PTPRU: variants seen among roughly 807,000 people sequenced by gnomAD.
PTPRU encodes protein tyrosine phosphatase receptor type U.
In PTPRU, 69 loss-of-function variants were observed where a neutral mutation model predicts 166.3. That is an observed-to-expected ratio of 0.41 (90% CI 0.34 to 0.51). The LOEUF (loss-of-function observed/expected upper bound fraction) is 0.51, where lower values mean the gene tolerates loss of function less well. Among genes scored for constraint, PTPRU ranks in the 20% least tolerant of loss-of-function variants. The probability of loss-of-function intolerance (pLI) is 0.09; values close to 1 mark genes in which losing one functional copy is unlikely to be tolerated. For missense variants in PTPRU, 1,657 were observed against 2,013.7 expected (o/e 0.82, Z 3.39); for synonymous variants, 793 against 814.0 (o/e 0.97, Z 0.44).
chr1:29,295,768 C>T (rs1686855375), intron 15 of PTPRU, among the ~76,000 whole-genome samples: 1 of 152,078 alleles, frequency 6.6e-6, no homozygotes, highest in South Asian at 2.1e-4. Flanking sequence ...CTCACTCCAA[C>T]CTCTGCCTCC....
Position 29,320,661 on chromosome 1 carries a change from T to C in PTPRU, c.3688-24T>C. The C allele has an allele frequency of 6.4e-7, 1 of 1,551,374 alleles. No individual in the cohort carries two copies. The highest frequency in any genetic ancestry group is 8.8e-7 in the Non-Finnish European group (1 of 1,139,492). On this transcript the variant is annotated intron_variant, in intron 25 of 29. Transcript: ENST00000373779. This position sits in a 1 kb window ranked among gnomAD's most constrained non-coding sequence, Gnocchi z 5.2. ...AGGCCAGGGGCCGGGAACAGGGCCC[T>C]GCTGAGTTCCGGTTTCCCTGCAGAG...
chr1:29,321,196 ATTTTT>A (rs71025210), intron 26 of PTPRU, among the ~76,000 whole-genome samples: 1 of 100,384 alleles, frequency 1.0e-5, no homozygotes, highest in African/African-American at 3.9e-5. Context: ...CAGCTGTCTG[ATTTTT>A]TTTTTTTTTT....
At position 29,325,236 on chromosome 1, in the gene PTPRU, C is replaced by A; in HGVS notation, c.4158C>A (p.Val1386=). 1 of 1,614,224 alleles carries A rather than the reference C, an allele frequency of 6.2e-7. No individual in the cohort carries two copies. Among genetic ancestry groups the A allele is most frequent in the East Asian group, 2.2e-5 (1 of 44,882 alleles). ...RSGTFCACAT[V]LEMIRCHNLV... ...GCACCTTCTGCGCCTGCGCCACGGT[C>A]CTGGAGATGATCCGCTGCCACAACT... The change falls in exon 29 of 30, where the codon GTC becomes GTA. Residue 1386 remains valine, a synonymous_variant. Transcript: ENST00000373779.
chr1:29,284,251 C>T (rs2076619), intron 13 of PTPRU, among the ~76,000 whole-genome samples: 5,962 of 152,180 alleles, frequency 0.039, 471 homozygotes, highest in East Asian at 0.32. Flanking sequence ...TTCTGGGTTA[C>T]GTATCTGTCC....
chr1:29,304,979 T>C (rs1687320692), intron 17 of PTPRU, 130 bp downstream of exon 17: 3 of 745,314 alleles, frequency 4.0e-6, no homozygotes, highest in Non-Finnish European at 6.6e-6. Context: ...ATTGAGGGCC[T>C]ACCACACGTC....
At chr1:29,240,028 C>A (rs1396192533) in intron 1 of PTPRU, among the ~76,000 whole-genome samples, 1 of 152,154 alleles carries the variant, frequency 6.6e-6, no homozygotes, top group African/African-American at 2.4e-5. Context: ...ATCTGGCCAG[C>A]CTGACCTTCT....
intron 1 of PTPRU, among the ~76,000 whole-genome samples, chr1:29,243,468 C>T (rs1289831127): frequency 6.6e-6 from 1 of 152,262 alleles, no homozygotes; most frequent in African/African-American, 2.4e-5. Context: ...AGGAGCCTGC[C>T]ATGCCAGTTC....
rs758227404 is a variant in PTPRU, at chr1:29,323,779, T to TG, written c.4104dup (p.His1369AlafsTer191). On this transcript the variant is annotated frameshift_variant, in exon 28 of 30. Coordinates refer to ENST00000373779, the MANE Select transcript of PTPRU (RefSeq NM_133178.4). LOFTEE classifies it high-confidence loss of function. ...GAGAGTGGGGATGGGCGCACCATCG[T>TG]GCACTGCCTGTGAGTACCTGCCCTG... 1 of 1,614,024 alleles carries TG rather than the reference T, an allele frequency of 6.2e-7. No homozygotes were observed. Among genetic ancestry groups the TG allele is most frequent in the South Asian group, 1.1e-5 (1 of 91,082 alleles).
At position 29,298,880 on chromosome 1, in the gene PTPRU, C is replaced by T. The variant is rs548084077; in HGVS notation, c.2477-4975C>T. On this transcript the variant is annotated intron_variant, in intron 15 of 29. Coordinates refer to ENST00000373779, the MANE Select transcript of PTPRU (RefSeq NM_133178.4). ...GAACAATGGTAGTGCCCCTGCCATA[C>T]GGATATTCTAAGGAATAAATGACTT... 1.2e-4 allele frequency among the ~76,000 whole-genome samples: 18 copies of T among 152,188 alleles called. No individual in the cohort carries two copies. In the South Asian group the frequency reaches 2.3e-3, roughly 19 times the overall value.
intron 2 of PTPRU, among the ~76,000 whole-genome samples, 191 bp downstream of exon 2, chr1:29,255,597 G>A (rs766649094): frequency 6.6e-5 from 10 of 152,110 alleles, no homozygotes; most frequent in Non-Finnish European, 1.5e-4. Flanking sequence ...AGCTAGTTTC[G>A]TGTGTAAAAT....
At chr1:29,246,297 G>A (rs150795083) in intron 1 of PTPRU, among the ~76,000 whole-genome samples, 53 of 152,330 alleles carry the variant, frequency 3.5e-4, no homozygotes, top group South Asian at 1.0e-3. Context: ...GTAGGCTGGC[G>A]TCCTTTTCCA....
intron 15 of PTPRU, among the ~76,000 whole-genome samples, chr1:29,299,994 T>C (rs1444853159): frequency 6.6e-6 from 1 of 152,214 alleles, no homozygotes. Flanking sequence ...CTTCCTTTCC[T>C]GGAAATGACT....
intron 1 of PTPRU, among the ~76,000 whole-genome samples, chr1:29,251,431 G>A (rs1420087102): frequency 7.9e-5 from 12 of 152,168 alleles, no homozygotes; most frequent in Admixed American, 7.2e-4. Context: ...TATTCTGGCC[G>A]AAGTGAGATA....
intron 14 of PTPRU, among the ~76,000 whole-genome samples, chr1:29,289,926 T>A (rs1364055484): frequency 6.6e-6 from 1 of 152,170 alleles, no homozygotes; most frequent in East Asian, 1.9e-4. Context: ...GAGTGCTGGT[T>A]CTGCCCCTAA....
chr1:29,280,151 C>A lies in PTPRU; in HGVS notation c.1868+10C>A. On this transcript the variant is annotated intron_variant, in intron 11 of 29. Coordinates refer to ENST00000373779, the MANE Select transcript of PTPRU (RefSeq NM_133178.4). This position sits in a 1 kb window ranked among gnomAD's most constrained non-coding sequence, Gnocchi z 4.2. ...GCGGTGCGCCCATCAGGTGGGAAAG[C>A]GGGGACGGAGGGGTGGGAGTCCAGG... is the stretch of plus-strand genomic sequence containing the variant. 1.9e-6 allele frequency: 3 copies of A among 1,602,294 alleles called. No homozygotes were observed. Among genetic ancestry groups the A allele is most frequent in the South Asian group, 1.1e-5 (1 of 90,770 alleles).
At chr1:29,251,200 C>T (rs541439864) in intron 1 of PTPRU, among the ~76,000 whole-genome samples, 67 of 151,750 alleles carry the variant, frequency 4.4e-4, no homozygotes, top group African/African-American at 1.6e-3. Context: ...TTGCAGTGAG[C>T]GAGATCATGC....
chr1:29,274,956 G>A (rs1685727047), intron 7 of PTPRU, among the ~76,000 whole-genome samples: 1 of 151,410 alleles, frequency 6.6e-6, no homozygotes, highest in Non-Finnish European at 1.5e-5. Flanking sequence ...AGTCTGAGGT[G>A]GAAGGATTGC....
rs755298442 is a variant in PTPRU, at chr1:29,323,410, T to C, written c.3868T>C (p.Tyr1290His). ...QYWPEPGRQQ[Y>H]GLMEVEFMSG... ...CTGGCCAGAGCCAGGCCGGCAGCAATATGGCCTCATGGAGGTGGAGTTTAT... is the reference window on the plus strand; with the variant it reads ...CTGGCCAGAGCCAGGCCGGCAGCAACATGGCCTCATGGAGGTGGAGTTTAT... The change falls in exon 27 of 30, where the codon TAT (tyrosine) becomes CAT (histidine). Residue 1290 changes from tyrosine (Y) to histidine (H), a missense_variant. Tyr to His is a moderately conservative substitution (Grantham distance 83). This residue lies in a region of PTPRU where 1,190 missense variants were observed against 1,477.4 expected (regional missense o/e 0.81). Coordinates refer to ENST00000373779, the MANE Select transcript of PTPRU (RefSeq NM_133178.4). 3 of 1,609,974 alleles carry C rather than the reference T, an allele frequency of 1.9e-6. No homozygotes were observed. Among genetic ancestry groups the C allele is most frequent in the East Asian group, 2.2e-5 (1 of 44,650 alleles).
In PTPRU at chr1:29,316,148, C is replaced by G; in HGVS notation, c.3510C>G (p.Phe1170Leu). The part of the protein sequence containing the change: ...QSNSSQLREE[F>L]QTLNSVTPPL... Reference sequence around the variant, plus strand: ...ATTCCTCCCAGCTGCGGGAAGAGTTCCAGGTGGGGGATGAGTGCGTGTGTA... The same window carrying G: ...ATTCCTCCCAGCTGCGGGAAGAGTTGCAGGTGGGGGATGAGTGCGTGTGTA... Residue 1170 changes from phenylalanine (F) to leucine (L), a missense_variant, in exon 24 of 30, where the codon TTC (phenylalanine) becomes TTG (leucine). Physicochemically the swap from Phe to Leu is conservative, Grantham distance 22. Coordinates refer to ENST00000373779, the MANE Select transcript of PTPRU (RefSeq NM_133178.4). The G allele has an allele frequency of 6.2e-7, 1 of 1,613,730 alleles. No individual in the cohort carries two copies. Among genetic ancestry groups the G allele is most frequent in the Non-Finnish European group, 8.5e-7 (1 of 1,179,906 alleles).
Sources: gnomAD v4.1 joint callset for allele counts (sites outside exome capture counted in the v4.1 genomes callset) on GRCh38, gnomAD v4.1.1 for gene constraint, gnomAD v4.1.1 regional missense constraint, Gnocchi (gnomAD v3.1) non-coding constraint, MANE v1.5 for transcripts, NCBI Gene and HGNC (gene_info 2026-07-23, HGNC 2026-07-21) for gene names.